ROBO1: variants seen among roughly 807,000 people sequenced by gnomAD.
The protein encoded by ROBO1 is roundabout guidance receptor 1, also known as roundabout homolog 1.
In ROBO1, 149 loss-of-function variants were observed where a neutral mutation model predicts 195.9. The ratio of observed to expected loss-of-function variants is 0.76; its 90% CI spans 0.67 to 0.87. ROBO1 has a LOEUF of 0.87. ROBO1 is among the 40% of genes least tolerant of loss of function. The pLI is 0.00. For missense variants in ROBO1, 1,933 were observed against 2,068.3 expected (o/e 0.93, Z 1.27); for synonymous variants, 816 against 733.2 (o/e 1.11, Z -1.82).
chr3:79,510,609 C>A (rs1246827615), intron 2 of ROBO1, among the ~76,000 whole-genome samples: 1 of 140,390 alleles, frequency 7.1e-6, no homozygotes, highest in African/African-American at 2.7e-5. Context: ...CTTTATGATT[C>A]TAGCCATCTC....
At chr3:78,813,519 A>T (rs1320790442) in intron 4 of ROBO1, among the ~76,000 whole-genome samples, 1 of 152,134 alleles carries the variant, frequency 6.6e-6, no homozygotes, top group African/African-American at 2.4e-5. Flanking sequence ...AAACATTAAT[A>T]TCCTTACTTC....
chr3:78,772,662 C>T (rs1163761037), intron 4 of ROBO1, among the ~76,000 whole-genome samples: 1 of 151,694 alleles, frequency 6.6e-6, no homozygotes, highest in African/African-American at 2.4e-5. Context: ...GACAGTAGAC[C>T]CTATTTTCAT....
chr3:79,685,744 A>G (rs543734561), intron 1 of ROBO1, among the ~76,000 whole-genome samples: 1 of 152,272 alleles, frequency 6.6e-6, no homozygotes, highest in African/African-American at 2.4e-5. Context: ...AAATAAGGCT[A>G]CAAAAGTCCA....
chr3:79,347,043 T>C (rs1465568801), intron 2 of ROBO1, among the ~76,000 whole-genome samples: 4 of 152,068 alleles, frequency 2.6e-5, no homozygotes, highest in Non-Finnish European at 5.9e-5. Flanking sequence ...AAGTACTATA[T>C]AGTTACTTAT....
chr3:79,018,393 A>C (rs751439425), intron 3 of ROBO1: 1 of 1,613,860 alleles, frequency 6.2e-7, no homozygotes, highest in South Asian at 1.1e-5. Flanking sequence ...TGAAGAAAGA[A>C]GACGCGGGGT....
chr3:79,049,563 C>T (rs772600393), intron 3 of ROBO1, among the ~76,000 whole-genome samples: 1 of 152,062 alleles, frequency 6.6e-6, no homozygotes, highest in Non-Finnish European at 1.5e-5. Flanking sequence ...CAAAGATACT[C>T]CTCGAGAAGA....
chr3:78,682,331 A>G (rs1490251073), intron 10 of ROBO1, among the ~76,000 whole-genome samples: 1 of 151,630 alleles, frequency 6.6e-6, no homozygotes, highest in Non-Finnish European at 1.5e-5. Context: ...GAAAGACATA[A>G]AACTGTTTTT....
chr3:78,852,717 G>A (rs2034142647), intron 4 of ROBO1, among the ~76,000 whole-genome samples: 1 of 152,084 alleles, frequency 6.6e-6, no homozygotes. Flanking sequence ...TTACCATGAA[G>A]GCAATAGGAC....
chr3:79,380,303 C>T (rs1427288254), intron 2 of ROBO1, among the ~76,000 whole-genome samples: 1 of 152,076 alleles, frequency 6.6e-6, no homozygotes, highest in Non-Finnish European at 1.5e-5. Context: ...CAGTTAATCC[C>T]TCTATGCAAG....
At chr3:79,376,606 G>T (rs1026031827) in intron 2 of ROBO1, among the ~76,000 whole-genome samples, 3 of 152,068 alleles carry the variant, frequency 2.0e-5, no homozygotes, top group African/African-American at 4.8e-5. Context: ...CCCTGAACAC[G>T]CTTTCTTGCC....
intron 2 of ROBO1, among the ~76,000 whole-genome samples, chr3:79,564,156 A>G (rs1322255912): frequency 6.6e-6 from 1 of 152,126 alleles, no homozygotes; most frequent in East Asian, 1.9e-4. Flanking sequence ...GAATAACAAA[A>G]AAAAAGTAAA....
intron 3 of ROBO1, among the ~76,000 whole-genome samples, chr3:79,031,784 G>A (rs2078299817): frequency 6.6e-6 from 1 of 152,106 alleles, no homozygotes; most frequent in Non-Finnish European, 1.5e-5. Flanking sequence ...ATAGTTAGTA[G>A]TAGAAAACTG....
At chr3:78,670,606 T>C (rs998462705) in intron 10 of ROBO1, 1 of 267,550 alleles carries the variant, frequency 3.7e-6, no homozygotes, top group Non-Finnish European at 7.2e-6. Flanking sequence ...AGAGACGTGA[T>C]CATGGAATAC....
intron 4 of ROBO1, among the ~76,000 whole-genome samples, chr3:78,889,263 G>C (rs960408865): frequency 5.3e-5 from 8 of 152,154 alleles, no homozygotes; most frequent in Non-Finnish European, 1.2e-4. Flanking sequence ...AAAAATGAAG[G>C]ATGAGCCAGG....
At chr3:78,969,144 C>T (rs368962356) in intron 3 of ROBO1, among the ~76,000 whole-genome samples, 34 of 152,218 alleles carry the variant, frequency 2.2e-4, no homozygotes, top group Admixed American at 3.9e-4. Context: ...TGGAAAACAA[C>T]GCTTTTTCCC....
intron 4 of ROBO1, among the ~76,000 whole-genome samples, chr3:78,934,747 T>G (rs1417415259): frequency 6.6e-6 from 1 of 151,880 alleles, no homozygotes. Context: ...CTCTTTTATA[T>G]TGAACAAATC....
At chr3:78,730,735 T>C (rs929394418) in intron 5 of ROBO1, among the ~76,000 whole-genome samples, 3 of 152,176 alleles carry the variant, frequency 2.0e-5, no homozygotes, top group African/African-American at 7.2e-5. Flanking sequence ...GCTCACTCAC[T>C]TGGCAAATTT....
intron 1 of ROBO1, among the ~76,000 whole-genome samples, chr3:79,694,799 G>T (rs541171595): frequency 6.6e-6 from 1 of 151,372 alleles, no homozygotes; most frequent in Admixed American, 6.6e-5. Context: ...AAATAAAATC[G>T]GAAAAATTAT....
chr3:78,991,585 CT>C (rs1434426116), intron 3 of ROBO1, among the ~76,000 whole-genome samples: 57 of 152,308 alleles, frequency 3.7e-4, no homozygotes, highest in Non-Finnish European at 6.9e-4. Context: ...ATAATGCTCA[CT>C]ATTTGATTTG....
Sources: gnomAD v4.1 joint callset for allele counts (sites outside exome capture counted in the v4.1 genomes callset) on GRCh38, gnomAD v4.1.1 for gene constraint, MANE v1.5 for transcripts, NCBI Gene and HGNC (gene_info 2026-07-23, HGNC 2026-07-21) for gene names.